Variants in USP47 observed in about 807,000 individuals in gnomAD.
USP47 encodes the protein ubiquitin specific peptidase 47, also known as ubiquitin carboxyl-terminal hydrolase 47.
In USP47, 35 loss-of-function variants were observed where a neutral mutation model predicts 165.1. That is an observed-to-expected ratio of 0.21 (90% CI 0.16 to 0.28). The LOEUF (loss-of-function observed/expected upper bound fraction) is 0.28, where lower values mean the gene tolerates loss of function less well. Among genes scored for constraint, USP47 ranks in the 10% least tolerant of loss-of-function variants. The pLI, the probability that USP47 is intolerant of heterozygous loss-of-function variation, is 1.00. For missense variants in USP47, 1,277 were observed against 1,607.4 expected (o/e 0.79, Z 3.52); for synonymous variants, 531 against 544.5 (o/e 0.98, Z 0.35).
At chr11:11,949,799 A>C in intron 22 of USP47, 90 bp from the exon 23 acceptor site, 1 of 868,156 alleles carries the variant, frequency 1.2e-6, no homozygotes, top group Non-Finnish European at 1.7e-6. Context: ...ATTGCAAATA[A>C]AATGTTTTGG....
intron 11 of USP47, among the ~76,000 whole-genome samples, chr11:11,926,839 C>T (rs867515944): frequency 1.2e-4 from 18 of 150,824 alleles, no homozygotes; most frequent in African/African-American, 3.4e-4. Context: ...TAGGCACTTA[C>T]ATCTATAAAC....
intron 10 of USP47, among the ~76,000 whole-genome samples, chr11:11,921,956 A>T (rs1376258093): frequency 1.3e-5 from 2 of 151,886 alleles, no homozygotes; most frequent in African/African-American, 4.8e-5. Context: ...TTCCTGGCAA[A>T]AAGTTTGTGC....
At position 11,960,253 on chromosome 11, in the gene USP47, G is replaced by C. The variant is rs151167139; in HGVS notation, c.*4078G>C. 4.8e-4 allele frequency among the ~76,000 whole-genome samples: 73 copies of C among 152,264 alleles called. No homozygotes were observed. The highest frequency in any genetic ancestry group is 1.5e-3 in the African/African-American group (64 of 41,552). On this transcript the variant is annotated 3_prime_UTR_variant, in exon 28 of 28. Transcript: ENST00000527733. ...GGTGGTGGAAGAGGCCAGGAAGAGC[G>C]GGGGGAAGACATGTGCTAACCACTT... is the stretch of plus-strand genomic sequence containing the variant.
chr11:11,880,253 G>C lies in USP47; in HGVS notation c.116G>C (p.Arg39Pro). Residue 39 changes from arginine to proline, a missense_variant, in exon 2 of 28, where the codon CGG (arginine) becomes CCG (proline). This residue lies in a region of USP47 where 181 missense variants were observed against 194.7 expected (regional missense o/e 0.93). Coordinates refer to ENST00000527733, the MANE Select transcript of USP47 (RefSeq NM_001282659.2). ...DTTNSKTVNE[R>P]ITLNLPASTP... The stretch of plus-strand genomic sequence containing the variant: ...ACTAATTCAAAGACAGTGAATGAAC[G>C]GATCACTTTAAATTTACCAGCATCT... 1 of 1,457,220 alleles carries C rather than the reference G, an allele frequency of 6.9e-7. No individual in the cohort carries two copies. The highest frequency in any genetic ancestry group is 9.0e-7 in the Non-Finnish European group (1 of 1,114,748). 90.3% of individuals were successfully genotyped at this position (1,457,220 alleles called of 1,614,324 possible). A position where few individuals can be genotyped will look rare whatever the true frequency, so the allele number is the denominator to read the frequency against.
rs370876018 is a variant in USP47, at chr11:11,955,980, T to C, written c.3894-21T>C. The stretch of plus-strand genomic sequence containing the variant: ...TGGAGGGCTCTACTGGACTAATATG[T>C]GATTAATATTTTATATGTAGGGATA... On this transcript the variant is annotated intron_variant, in intron 27 of 27. Coordinates refer to ENST00000527733, the MANE Select transcript of USP47 (RefSeq NM_001282659.2). The C allele has an allele frequency of 1.3e-5, 20 of 1,526,370 alleles. No individual in the cohort carries two copies. In the African/African-American group the frequency reaches 2.2e-4, roughly 17 times the overall value. 94.6% of individuals were successfully genotyped at this position (1,526,370 alleles called of 1,614,324 possible).
At chr11:11,920,578 A>T in intron 10 of USP47, 84 bp downstream of exon 10, 1 of 1,285,824 alleles carries the variant, frequency 7.8e-7, no homozygotes, top group Non-Finnish European at 1.0e-6. Flanking sequence ...AGGTAATAAC[A>T]CTGATGTCAT....
chr11:11,868,036 T>C (rs976711689), intron 1 of USP47, among the ~76,000 whole-genome samples: 2 of 152,180 alleles, frequency 1.3e-5, no homozygotes, highest in East Asian at 1.9e-4. Context: ...GAAGGAGAGG[T>C]TGAAAAATAG....
Position 11,959,844 on chromosome 11 carries a change from A to G in USP47, c.*3669A>G, listed in dbSNP as rs1164701626. Among the ~76,000 whole-genome samples the G allele has an allele frequency of 6.6e-6, 1 of 152,080 alleles. No individual in the cohort carries two copies. The highest frequency in any genetic ancestry group is 1.9e-4 in the East Asian group (1 of 5,176). ...TCAGCTCACCAGGTCAGAAATTGTT[A>G]TTGGACCCTAAAACCTTGCCTCACA... is the stretch of plus-strand genomic sequence containing the variant. On this transcript the variant is annotated 3_prime_UTR_variant, in exon 28 of 28. Transcript: ENST00000527733.
chr11:11,891,895 A>G (rs901713563), intron 3 of USP47, 73 bp from the exon 4 acceptor site: 4 of 1,536,562 alleles, frequency 2.6e-6, no homozygotes, highest in South Asian at 1.3e-5. Context: ...AAACCTTCCT[A>G]CAGGAAATGG....
chr11:11,855,839 G>A (rs1849006477), intron 1 of USP47, among the ~76,000 whole-genome samples: 1 of 152,176 alleles, frequency 6.6e-6, no homozygotes. Flanking sequence ...AACTACTACA[G>A]AGAGATTCAA....
At chr11:11,955,002 A>G (rs1856469596) in intron 26 of USP47, 32 bp from the exon 27 acceptor site, 2 of 1,613,558 alleles carry the variant, frequency 1.2e-6, no homozygotes, top group Non-Finnish European at 1.7e-6. Context: ...AGCTAGTGGC[A>G]TGATTTATTC....
rs1464637553 is a variant in USP47 at position 11,930,053 on chromosome 11, G to A, written c.1528G>A (p.Glu510Lys). The A allele has an allele frequency of 6.2e-7, 1 of 1,613,180 alleles. No homozygotes were observed. The highest frequency in any genetic ancestry group is 8.5e-7 in the Non-Finnish European group (1 of 1,179,288). The change falls in exon 13 of 28, where the codon GAG (glutamate) becomes AAG (lysine). Residue 510 changes from glutamate (E) to lysine (K), a missense_variant. Glu to Lys is a moderately conservative substitution (Grantham distance 56). Transcript: ENST00000527733. ...NDQHVSRITQ[E>K]DIKKTHGGSS... ...TGTAACACATTTTCAGATAACACAA[G>A]AGGACATTAAGAAAACACATGGTGG...
chr11:11,960,023 A>G lies in USP47; in HGVS notation c.*3848A>G, dbSNP rs1196239531. 3.3e-5 allele frequency among the ~76,000 whole-genome samples: 5 copies of G among 152,084 alleles called. No homozygotes were observed. The highest frequency in any genetic ancestry group is 5.9e-5 in the Non-Finnish European group (4 of 67,994). ...ACTCAATGCTTACATTTTTTTCATAACTGTGCCAATTGTTTTGTCAAATGC... is the reference window on the plus strand; with the variant it reads ...ACTCAATGCTTACATTTTTTTCATAGCTGTGCCAATTGTTTTGTCAAATGC... On this transcript the variant is annotated 3_prime_UTR_variant, in exon 28 of 28. Coordinates refer to ENST00000527733, the MANE Select transcript of USP47 (RefSeq NM_001282659.2).
chr11:11,891,743 C>T (rs1304610286), intron 3 of USP47, among the ~76,000 whole-genome samples: 2 of 152,174 alleles, frequency 1.3e-5, no homozygotes, highest in Non-Finnish European at 2.9e-5. Flanking sequence ...ACTGTCATCA[C>T]GGAGTACAAT....
chr11:11,877,771 CTCTCTCTCTCTCTCTCTT>C (rs1564860711), intron 1 of USP47, among the ~76,000 whole-genome samples: 2 of 135,454 alleles, frequency 1.5e-5, no homozygotes, highest in African/African-American at 5.9e-5. Context: ...TAGCCTTTCT[CTCTCTCTCTCTCTCTCTT>C]TCTCTCTCTC....
intron 3 of USP47, among the ~76,000 whole-genome samples, chr11:11,884,956 T>A (rs1456787436): frequency 2.6e-5 from 4 of 152,198 alleles, no homozygotes; most frequent in African/African-American, 9.7e-5. Flanking sequence ...TTGGTGGTTT[T>A]CATGAGGTTT....
chr11:11,883,411 A>G (rs1850954046), intron 2 of USP47, among the ~76,000 whole-genome samples: 1 of 152,174 alleles, frequency 6.6e-6, no homozygotes, highest in Non-Finnish European at 1.5e-5. Flanking sequence ...CTCATAGGTG[A>G]AGAAACTGAG....
intron 11 of USP47, among the ~76,000 whole-genome samples, chr11:11,928,826 G>C (rs1310719632): frequency 1.3e-5 from 2 of 151,862 alleles, no homozygotes; most frequent in Non-Finnish European, 2.9e-5. Flanking sequence ...AAATACTTAA[G>C]TTTGCCTAAA....
At chr11:11,929,845 G>A (rs1321404971) in intron 12 of USP47, among the ~76,000 whole-genome samples, 199 bp from the exon 13 acceptor site, 7 of 152,080 alleles carry the variant, frequency 4.6e-5, no homozygotes, top group African/African-American at 7.2e-5. Context: ...TGTGCTTCAC[G>A]TGTGATTAGG....
Sources: allele counts gnomAD v4.1 joint callset (sites outside exome capture counted in the v4.1 genomes callset), GRCh38; gene constraint gnomAD v4.1.1; regional missense constraint gnomAD v4.1.1; transcripts MANE v1.5; gene names NCBI Gene and HGNC (gene_info 2026-07-23, HGNC 2026-07-21).